VANGL1: variants seen among roughly 807,000 people sequenced by gnomAD.
VANGL1 encodes vang-like protein 1.
In VANGL1, 18 loss-of-function variants were observed where a neutral mutation model predicts 48.4. The observed-to-expected ratio is 0.37, with a 90% CI of 0.26 to 0.55. The LOEUF (loss-of-function observed/expected upper bound fraction) is 0.55. Ranked by LOEUF, VANGL1 falls within the 20% of genes least tolerant of loss-of-function variation. VANGL1 has a pLI of 0.81. For synonymous variants in VANGL1, 257 were observed against 261.8 expected, an observed-to-expected ratio of 0.98 and a Z score of 0.18; for missense variants, 667 against 675.8, an observed-to-expected ratio of 0.99 and a Z score of 0.14.
At position 115,693,857 on chromosome 1, in the gene VANGL1, G is replaced by A. The variant is rs973912666; in HGVS notation, c.*2478G>A. ...TGGTAGGCTATTCTTTTTAAAAGGGGGTAAACTTCGCCCTAAGGCTGGTAG... is the reference window on the plus strand; with the variant it reads ...TGGTAGGCTATTCTTTTTAAAAGGGAGTAAACTTCGCCCTAAGGCTGGTAG... On this transcript the variant is annotated 3_prime_UTR_variant, in exon 8 of 8. Coordinates refer to ENST00000355485, the MANE Select transcript of VANGL1 (RefSeq NM_138959.3). The A allele has an allele frequency of 6.6e-6, 1 of 152,074 alleles. No homozygotes were observed. The highest frequency in any genetic ancestry group is 2.4e-5 in the African/African-American group (1 of 41,412). 9.4% of individuals were successfully genotyped at this position (152,074 alleles called of 1,614,324 possible). A position where few individuals can be genotyped will look rare whatever the true frequency, so the allele number is the denominator to read the frequency against.
At chr1:115,680,583 G>C (rs1268543705) in intron 4 of VANGL1, among the ~76,000 whole-genome samples, 1 of 152,190 alleles carries the variant, frequency 6.6e-6, no homozygotes, top group East Asian at 1.9e-4. Context: ...ACATTATCTA[G>C]GACGATATTA....
rs1654032289 is a variant in VANGL1, at chr1:115,696,442, T to C, written c.*5063T>C. 1 of 152,226 alleles carries C rather than the reference T, an allele frequency of 6.6e-6. No individual in the cohort carries two copies. Among genetic ancestry groups the C allele is most frequent in the African/African-American group, 2.4e-5 (1 of 41,462 alleles). 9.4% of individuals were successfully genotyped at this position (152,226 alleles called of 1,614,324 possible). On this transcript the variant is annotated 3_prime_UTR_variant, in exon 8 of 8. Transcript: ENST00000355485. ...AAAACAGGACTCAGAAAACCATTTT[T>C]CTCTGTTCCCATATGTAGTAAGTTT...
intron 6 of VANGL1, among the ~76,000 whole-genome samples, chr1:115,684,800 A>G (rs1653532085): frequency 6.6e-6 from 1 of 152,058 alleles, no homozygotes; most frequent in African/African-American, 2.4e-5. Context: ...GGTGCATTCC[A>G]TCATGTGTGC....
rs1184019627 is a variant in VANGL1 at position 115,685,449 on chromosome 1, C to T, written c.1236C>T (p.Thr412=). The change falls in exon 7 of 8, where the codon ACC becomes ACT. Residue 412 remains threonine (T), a synonymous_variant. Coordinates refer to ENST00000355485, the MANE Select transcript of VANGL1 (RefSeq NM_138959.3). ...CTCTCCAGAAGTACCTGCGCATCAC[C>T]CGGCAGCAGAACTACCACAGCATGG... is the stretch of plus-strand genomic sequence containing the variant. The part of the protein sequence containing the change: ...ARALQKYLRI[T]RQQNYHSMES... 8 of 1,613,994 alleles carry T rather than the reference C, an allele frequency of 5.0e-6. No individual in the cohort carries two copies. The African/African-American group carries it at 5.3e-5, about 11-fold the overall frequency.
intron 4 of VANGL1, among the ~76,000 whole-genome samples, chr1:115,670,253 A>G (rs1429638299): frequency 6.6e-6 from 1 of 152,174 alleles, no homozygotes; most frequent in Admixed American, 6.5e-5. Flanking sequence ...TAAGAAAATA[A>G]ATTTCTGTTG....
At chr1:115,666,752 C>T (rs745705057) in intron 4 of VANGL1, among the ~76,000 whole-genome samples, 7 of 152,098 alleles carry the variant, frequency 4.6e-5, no homozygotes, top group Admixed American at 1.3e-4. Context: ...TTGTCCCTCT[C>T]GTGGAGAGCC....
intron 7 of VANGL1, among the ~76,000 whole-genome samples, chr1:115,688,051 ATATT>A (rs1222604106): frequency 7.3e-6 from 1 of 136,374 alleles, no homozygotes. Context: ...GATAGCCTAT[ATATT>A]ATCATTCATA....
In VANGL1 at chr1:115,697,402, T is replaced by C. The variant is rs1654070663; in HGVS notation, c.*6023T>C. On this transcript the variant is annotated 3_prime_UTR_variant, in exon 8 of 8. Transcript: ENST00000355485. ...GCAATAATTTATTTTTATAATAGTT[T>C]ACGGTAGGCTTTAATTAAATGGCAA... 6.6e-6 allele frequency: 1 copy of C among 152,224 alleles called. No individual in the cohort carries two copies. The highest frequency in any genetic ancestry group is 1.5e-5 in the Non-Finnish European group (1 of 68,042). 9.4% of individuals were successfully genotyped at this position (152,224 alleles called of 1,614,324 possible). A position where few individuals can be genotyped will look rare whatever the true frequency, so the allele number is the denominator to read the frequency against.
intron 2 of VANGL1, among the ~76,000 whole-genome samples, chr1:115,652,304 C>G (rs561353809): frequency 6.6e-6 from 1 of 152,254 alleles, no homozygotes; most frequent in Non-Finnish European, 1.5e-5. Context: ...TTCTTAGGGC[C>G]TGCTGTGTTA....
chr1:115,654,762 G>A (rs1273199909), intron 2 of VANGL1, among the ~76,000 whole-genome samples: 1 of 152,096 alleles, frequency 6.6e-6, no homozygotes, highest in Non-Finnish European at 1.5e-5. Context: ...CAGAGCAGCT[G>A]CCAGTTATGT....
At position 115,683,974 on chromosome 1, in the gene VANGL1, G is replaced by A. The variant is rs141396495; in HGVS notation, c.977G>A (p.Arg326Gln). ...AGTAACAATGCCACTGGCCAGTCCC[G>A]GGCCATGATTGCTGCAGCTGCTCGG... Reference protein sequence around the residue: ...GPSNNATGQSRAMIAAAARRR... With the variant: ...GPSNNATGQSQAMIAAAARRR... Residue 326 changes from arginine (R) to glutamine (Q), a missense_variant, in exon 6 of 8, where the codon CGG (arginine) becomes CAG (glutamine). Arg to Gln is a conservative substitution (Grantham distance 43). Transcript: ENST00000355485. 31 of 1,613,812 alleles carry A rather than the reference G, an allele frequency of 1.9e-5. No homozygotes were observed. The highest frequency in any genetic ancestry group is 8.0e-5 in the African/African-American group (6 of 74,870).
At chr1:115,683,867 G>T in intron 5 of VANGL1, 77 bp from the exon 6 acceptor site, 1 of 1,575,120 alleles carries the variant, frequency 6.3e-7, no homozygotes, top group African/African-American at 1.4e-5. Flanking sequence ...AACACTGACA[G>T]ATTGGGTACT....
At position 115,659,704 on chromosome 1, in the gene VANGL1, T is replaced by C; in HGVS notation, c.135T>C (p.Ser45=). Residue 45 remains serine (S), a synonymous_variant, in exon 3 of 8, where the codon TCT becomes TCC. Coordinates refer to ENST00000355485, the MANE Select transcript of VANGL1 (RefSeq NM_138959.3). Reference sequence around the variant, plus strand: ...AAGACGGCAGAGGGTCAGAAAAGTCTGTCACCATTCAACCTCCCACTGGAG... The same window carrying C: ...AAGACGGCAGAGGGTCAGAAAAGTCCGTCACCATTCAACCTCCCACTGGAG... ...RNKDGRGSEK[S]VTIQPPTGEP... is the part of the protein sequence containing the mutation. 1.2e-6 allele frequency: 2 copies of C among 1,614,174 alleles called. No individual in the cohort carries two copies. Among genetic ancestry groups the C allele is most frequent in the Non-Finnish European group, 8.5e-7 (1 of 1,180,036 alleles).
intron 3 of VANGL1, among the ~76,000 whole-genome samples, chr1:115,662,988 T>C (rs1652622642): frequency 6.6e-6 from 1 of 152,188 alleles, no homozygotes; most frequent in African/African-American, 2.4e-5. Context: ...GGTTTCACCA[T>C]GTTGGCCAGG....
At chr1:115,662,786 A>AT (rs747147852) in intron 3 of VANGL1, among the ~76,000 whole-genome samples, 38,033 of 137,542 alleles carry the variant, frequency 0.28, 5,382 homozygotes, top group South Asian at 0.35. Flanking sequence ...TCATAAGGAG[A>AT]TTTTTTTTTT....
At chr1:115,676,702 A>G (rs10923156) in intron 4 of VANGL1, among the ~76,000 whole-genome samples, 32,317 of 152,154 alleles carry the variant, frequency 0.21, 3,904 homozygotes, top group East Asian at 0.4. Flanking sequence ...AATCATCCCA[A>G]TGGATATTTA....
chr1:115,648,213 A>C (rs577467018), intron 1 of VANGL1, among the ~76,000 whole-genome samples: 1 of 152,340 alleles, frequency 6.6e-6, no homozygotes, highest in South Asian at 2.1e-4. Flanking sequence ...GTGCCACTTA[A>C]TATGGAGGTG....
chr1:115,661,417 A>G (rs1652540090), intron 3 of VANGL1, among the ~76,000 whole-genome samples: 1 of 152,088 alleles, frequency 6.6e-6, no homozygotes, highest in Non-Finnish European at 1.5e-5. Flanking sequence ...TTTTGAATTT[A>G]GTATAATTAG....
At chr1:115,671,007 A>G in intron 4 of VANGL1, 1 of 152,348 alleles carries the variant, frequency 6.6e-6, no homozygotes, top group Non-Finnish European at 1.5e-5. Context: ...TGAGAGTGTA[A>G]GGTGCTGCAC....
Sources: gnomAD v4.1 joint callset for allele counts (sites outside exome capture counted in the v4.1 genomes callset) on GRCh38, gnomAD v4.1.1 for gene constraint, MANE v1.5 for transcripts, NCBI Gene and HGNC (gene_info 2026-07-23, HGNC 2026-07-21) for gene names.